The following SLC24A3 variants were observed in gnomAD, a reference collection of about 807,000 sequenced individuals.
The protein encoded by SLC24A3 is sodium/potassium/calcium exchanger 3.
Under a neutral mutation model 75.8 loss-of-function variants are expected in SLC24A3, and 28 were observed. That is an observed-to-expected ratio of 0.37 (90% CI 0.27 to 0.51). The LOEUF is 0.51. SLC24A3 is among the 20% of genes least tolerant of loss of function. The pLI is 0.94. For synonymous variants in SLC24A3, 372 were observed against 334.1 expected, an observed-to-expected ratio of 1.11 and a Z score of -1.24; for missense variants, 663 against 847.8, an observed-to-expected ratio of 0.78 and a Z score of 2.71.
At chr20:19,678,901 A>G (rs8121512) in intron 9 of SLC24A3, among the ~76,000 whole-genome samples, 43,215 of 148,664 alleles carry the variant, frequency 0.29, 6,856 homozygotes, top group African/African-American at 0.43. Flanking sequence ...TCACATCCGA[A>G]ACGGAGCGGC....
At chr20:19,628,058 G>A (rs1424361447) in intron 6 of SLC24A3, among the ~76,000 whole-genome samples, 4 of 151,468 alleles carry the variant, frequency 2.6e-5, no homozygotes, top group Admixed American at 2.6e-4. Context: ...AAAAAAATTA[G>A]CCAGGCATGG....
intron 2 of SLC24A3, among the ~76,000 whole-genome samples, chr20:19,350,799 T>A (rs1047354004): frequency 6.6e-6 from 1 of 152,228 alleles, no homozygotes; most frequent in African/African-American, 2.4e-5. Flanking sequence ...ATTCTTGAGT[T>A]CCATGGGTTG....
intron 3 of SLC24A3, among the ~76,000 whole-genome samples, chr20:19,562,255 A>G (rs73113907): frequency 0.088 from 13,346 of 152,144 alleles, 685 homozygotes; most frequent in African/African-American, 0.12. Context: ...TCTCATTAAC[A>G]ATGAGAATAT....
At chr20:19,698,737 A>G in intron 15 of SLC24A3, 57 bp downstream of exon 15, 3 of 1,350,820 alleles carry the variant, frequency 2.2e-6, no homozygotes, top group Non-Finnish European at 3.1e-6. Context: ...ACTGTGTTTT[A>G]ACAGCCTTGG....
chr20:19,648,935 T>C (rs984897467), intron 6 of SLC24A3, among the ~76,000 whole-genome samples: 6 of 152,224 alleles, frequency 3.9e-5, no homozygotes, highest in African/African-American at 1.4e-4. Context: ...TGGCTGAATC[T>C]GTGGAGGAGT....
intron 2 of SLC24A3, among the ~76,000 whole-genome samples, chr20:19,422,984 C>T (rs772612884): frequency 4.2e-4 from 64 of 152,336 alleles, no homozygotes; most frequent in South Asian, 1.7e-3. Flanking sequence ...GGCCATAAAA[C>T]TCTGCTGATC....
At chr20:19,584,819 G>A (rs2031271489) in intron 4 of SLC24A3, 152 bp from the exon 5 acceptor site, 1 of 608,516 alleles carries the variant, frequency 1.6e-6, no homozygotes, top group East Asian at 2.9e-5. Flanking sequence ...GAGGCTGAGA[G>A]GGACTAAGTA....
intron 2 of SLC24A3, among the ~76,000 whole-genome samples, chr20:19,335,664 C>T (rs1028992668): frequency 2.0e-5 from 3 of 152,196 alleles, no homozygotes; most frequent in African/African-American, 7.2e-5. Flanking sequence ...AGTGTATTGA[C>T]CAGCTCTTGA....
rs541388892 is a variant in SLC24A3, at chr20:19,439,814, G to A, written c.272-75674G>A. On this transcript the variant is annotated intron_variant, in intron 2 of 16. Transcript: ENST00000328041. ...CGAGTGATTGATTTGGCAATAACAC[G>A]GTCTCTCCGTGTAGACGTTGTTAAC... 3.9e-5 allele frequency among the ~76,000 whole-genome samples: 6 copies of A among 152,266 alleles called. No homozygotes were observed. In the South Asian group the frequency reaches 6.2e-4, roughly 16 times the overall value.
At chr20:19,719,615 G>T (rs565843992) in intron 16 of SLC24A3, among the ~76,000 whole-genome samples, 5 of 152,250 alleles carry the variant, frequency 3.3e-5, no homozygotes, top group Non-Finnish European at 7.4e-5. Flanking sequence ...AGAGACAAGG[G>T]ACTAGGGAAG....
intron 2 of SLC24A3, among the ~76,000 whole-genome samples, chr20:19,416,430 A>G (rs1235304326): frequency 6.6e-6 from 1 of 152,110 alleles, no homozygotes; most frequent in East Asian, 1.9e-4. Context: ...AATCCTTTCA[A>G]TAAATTGTCC....
In SLC24A3 at chr20:19,286,698, G is replaced by A. The variant is rs1043241413; in HGVS notation, c.271+5611G>A. ...AATCTCGAGTAGCACTGTCCAGTAG[G>A]AACAAGATGTGAGCTACAAGCGTAC... On this transcript the variant is annotated intron_variant, in intron 2 of 16. Transcript: ENST00000328041. Among the ~76,000 whole-genome samples the A allele has an allele frequency of 8.5e-5, 13 of 152,302 alleles. No individual in the cohort carries two copies. In the South Asian group the frequency reaches 2.5e-3, roughly 29 times the overall value.
chr20:19,609,734 G>C (rs987569791), intron 6 of SLC24A3, among the ~76,000 whole-genome samples: 1 of 152,136 alleles, frequency 6.6e-6, no homozygotes, highest in Non-Finnish European at 1.5e-5. Context: ...TCCCATTTCA[G>C]GTAGTTTACC....
At chr20:19,577,692 A>G (rs556702723) in intron 3 of SLC24A3, among the ~76,000 whole-genome samples, 106 of 152,356 alleles carry the variant, frequency 7.0e-4, no homozygotes, top group African/African-American at 2.4e-3. Flanking sequence ...GTATATACAC[A>G]TATACATAGA....
At chr20:19,304,369 G>A (rs1349116852) in intron 2 of SLC24A3, among the ~76,000 whole-genome samples, 2 of 151,012 alleles carry the variant, frequency 1.3e-5, no homozygotes, top group South Asian at 2.1e-4. Context: ...TTTCAAAGCA[G>A]ATGTTGTTGA....
intron 1 of SLC24A3, among the ~76,000 whole-genome samples, chr20:19,267,554 T>G (rs1983203881): frequency 6.6e-6 from 1 of 152,206 alleles, no homozygotes; most frequent in Admixed American, 6.5e-5. Flanking sequence ...TTAATTTCAA[T>G]TTTCTAATAA....
intron 6 of SLC24A3, among the ~76,000 whole-genome samples, chr20:19,596,000 G>A (rs1418341423): frequency 3.9e-5 from 6 of 152,184 alleles, no homozygotes; most frequent in African/African-American, 1.2e-4. Context: ...GGAGCCTGGT[G>A]AAGAAGGGGA....
intron 3 of SLC24A3, among the ~76,000 whole-genome samples, chr20:19,553,510 G>A (rs2030735485): frequency 6.6e-6 from 1 of 152,198 alleles, no homozygotes; most frequent in Non-Finnish European, 1.5e-5. Context: ...AGAGGTCATA[G>A]TTCAAATTGG....
intron 2 of SLC24A3, among the ~76,000 whole-genome samples, chr20:19,369,442 A>G (rs79542890): frequency 0.02 from 3,042 of 152,012 alleles, 108 homozygotes; most frequent in African/African-American, 0.07. Flanking sequence ...TAGGGGAGAC[A>G]AAGGAGATAG....
Sources: gnomAD v4.1 joint callset for allele counts (sites outside exome capture counted in the v4.1 genomes callset) on GRCh38, gnomAD v4.1.1 for gene constraint, MANE v1.5 for transcripts, NCBI Gene and HGNC (gene_info 2026-07-23, HGNC 2026-07-21) for gene names.